The following CDC42SE2 variants were observed in gnomAD, a reference collection of about 807,000 sequenced individuals.
CDC42SE2 encodes CDC42 small effector protein 2.
A neutral mutation model predicts 11.5 loss-of-function variants in CDC42SE2; 3 were observed. That is an observed-to-expected ratio of 0.26 (90% CI 0.12 to 0.67). The LOEUF (loss-of-function observed/expected upper bound fraction) is 0.67, where lower values mean the gene tolerates loss of function less well. Among genes scored for constraint, CDC42SE2 ranks in the 30% least tolerant of loss-of-function variants. The pLI, the probability that CDC42SE2 is intolerant of heterozygous loss-of-function variation, is 0.80. For synonymous variants in CDC42SE2, 33 were observed against 34.8 expected, an observed-to-expected ratio of 0.95 and a Z score of 0.18; for missense variants, 82 against 106.8, an observed-to-expected ratio of 0.77 and a Z score of 1.02.
At chr5:131,360,567 A>G (rs903775253) in intron 3 of CDC42SE2, among the ~76,000 whole-genome samples, 2 of 152,228 alleles carry the variant, frequency 1.3e-5, no homozygotes, top group African/African-American at 4.8e-5. Flanking sequence ...TGCATAGTAA[A>G]TAACTATTCT....
intron 1 of CDC42SE2, among the ~76,000 whole-genome samples, chr5:131,287,777 A>C (rs1193695525): frequency 1.3e-5 from 2 of 151,978 alleles, no homozygotes; most frequent in Non-Finnish European, 2.9e-5. Flanking sequence ...TCCTACCGAA[A>C]TTTTCTTTGT....
Position 131,393,694 on chromosome 5 carries a change from T to C in CDC42SE2, c.*2603T>C, listed in dbSNP as rs1750744583. 1 of 152,186 alleles carries C rather than the reference T, an allele frequency of 6.6e-6. No individual in the cohort carries two copies. Among genetic ancestry groups the C allele is most frequent in the African/African-American group, 2.4e-5 (1 of 41,460 alleles). The allele number at this position is 152,186 out of a possible 1,614,324, so 9.4% of individuals were successfully genotyped here. A position where few individuals can be genotyped will look rare whatever the true frequency, so the allele number is the denominator to read the frequency against. ...GCACTCATGCTATTTAGTCTACTTCTATTTTGACTGACTCTTTAAATTAGT... is the reference window on the plus strand; with the variant it reads ...GCACTCATGCTATTTAGTCTACTTCCATTTTGACTGACTCTTTAAATTAGT... On this transcript the variant is annotated 3_prime_UTR_variant, in exon 5 of 5. Transcript: ENST00000505065.
intron 1 of CDC42SE2, among the ~76,000 whole-genome samples, chr5:131,266,240 TTTTA>T (rs1423934035): frequency 1.3e-5 from 2 of 152,104 alleles, no homozygotes; most frequent in African/African-American, 2.4e-5. Flanking sequence ...AGCAGTAATA[TTTTA>T]TTTATTTCAG....
At chr5:131,292,240 CAAAAAAAA>C (rs1202956370) in intron 1 of CDC42SE2, among the ~76,000 whole-genome samples, 9 of 25,602 alleles carry the variant, frequency 3.5e-4, no homozygotes, top group Non-Finnish European at 4.9e-4. Flanking sequence ...TCTGTCTCAC[CAAAAAAAA>C]AAAAAAAAAA....
chr5:131,308,804 A>AG (rs1199668701), intron 1 of CDC42SE2, among the ~76,000 whole-genome samples: 2 of 152,092 alleles, frequency 1.3e-5, no homozygotes, highest in African/African-American at 2.4e-5. Context: ...TTGTATCCTG[A>AG]GACTTTGTTG....
chr5:131,271,232 C>G (rs987881757), intron 1 of CDC42SE2, among the ~76,000 whole-genome samples: 1 of 152,148 alleles, frequency 6.6e-6, no homozygotes, highest in Non-Finnish European at 1.5e-5. Flanking sequence ...CAGAACTGCC[C>G]ATGCTTTATT....
At chr5:131,264,518 G>A (rs1428031208) in intron 1 of CDC42SE2, among the ~76,000 whole-genome samples, 1 of 148,844 alleles carries the variant, frequency 6.7e-6, no homozygotes, top group African/African-American at 2.5e-5. Flanking sequence ...AACTTTTCAC[G>A]TCTGGAAGTC....
chr5:131,295,046 G>A (rs1757540504), intron 1 of CDC42SE2, among the ~76,000 whole-genome samples: 1 of 151,974 alleles, frequency 6.6e-6, no homozygotes, highest in Non-Finnish European at 1.5e-5. Flanking sequence ...ACAATCGCTT[G>A]AACCTGGGAG....
At chr5:131,247,927 C>T (rs566428083) in intron 1 of CDC42SE2, among the ~76,000 whole-genome samples, 4 of 152,094 alleles carry the variant, frequency 2.6e-5, no homozygotes, top group Admixed American at 1.3e-4. Context: ...AGCCATGAGC[C>T]ACCATGCCCA....
chr5:131,346,252 A>C (rs376791434), intron 2 of CDC42SE2, among the ~76,000 whole-genome samples: 47 of 152,224 alleles, frequency 3.1e-4, no homozygotes, highest in East Asian at 1.5e-3. Flanking sequence ...TGTATTCAGG[A>C]GACCCATCTC....
At chr5:131,254,086 C>T (rs1054072689) in intron 1 of CDC42SE2, among the ~76,000 whole-genome samples, 3 of 152,078 alleles carry the variant, frequency 2.0e-5, no homozygotes, top group Non-Finnish European at 2.9e-5. Context: ...GCACAACGTG[C>T]GGGTTTGTTA....
the CDC42SE2 span, among the ~76,000 whole-genome samples, chr5:131,217,211 CT>C: frequency 6.6e-6 from 1 of 152,174 alleles, no homozygotes; most frequent in Non-Finnish European, 1.5e-5. Flanking sequence ...TGGCTACTTT[CT>C]TTGGCTACTT....
intron 2 of CDC42SE2, among the ~76,000 whole-genome samples, chr5:131,348,224 A>G (rs972985168): frequency 6.6e-6 from 1 of 152,218 alleles, no homozygotes; most frequent in Admixed American, 6.5e-5. Flanking sequence ...TGCAGATGAC[A>G]TGATTGTATA....
rs1423801202 is a variant in CDC42SE2 at position 131,391,945 on chromosome 5, T to C, written c.*854T>C. On this transcript the variant is annotated 3_prime_UTR_variant, in exon 5 of 5. Coordinates refer to ENST00000505065, the MANE Select transcript of CDC42SE2 (RefSeq NM_001375635.1). The stretch of plus-strand genomic sequence containing the variant: ...GTGTGATGGCACCTTGTCCACCCTG[T>C]CGTGATTATTCCAGTGAGATGTTAC... 6.6e-6 allele frequency: 1 copy of C among 152,326 alleles called. No homozygotes were observed. The highest frequency in any genetic ancestry group is 1.5e-5 in the Non-Finnish European group (1 of 68,042). 9.4% of individuals were successfully genotyped at this position (152,326 alleles called of 1,614,324 possible).
In CDC42SE2 at chr5:131,307,579, C is replaced by G. The variant is rs536042302; in HGVS notation, c.-454-8397C>G. Among the ~76,000 whole-genome samples the G allele has an allele frequency of 1.8e-4, 28 of 152,228 alleles. No individual in the cohort carries two copies. The South Asian group carries it at 5.6e-3, about 30-fold the overall frequency. ...TGATTTATAATCCTTTGGGTATATA[C>G]CCAGTAATGGGACGGCTGGGTCAAA... On this transcript the variant is annotated intron_variant, in intron 1 of 4. Transcript: ENST00000505065.
At chr5:131,227,073 C>T in the CDC42SE2 span, among the ~76,000 whole-genome samples, 2 of 152,162 alleles carry the variant, frequency 1.3e-5, no homozygotes, top group African/African-American at 4.8e-5. Flanking sequence ...CCAGAGGGAA[C>T]ACCATCACAT....
chr5:131,284,761 C>T (rs1757306982), intron 1 of CDC42SE2, among the ~76,000 whole-genome samples: 1 of 152,192 alleles, frequency 6.6e-6, no homozygotes, highest in South Asian at 2.1e-4. Context: ...ATGTAAGCTA[C>T]TGGGCCCAGC....
chr5:131,327,415 T>G (rs1260193175), intron 2 of CDC42SE2, among the ~76,000 whole-genome samples: 5 of 152,206 alleles, frequency 3.3e-5, no homozygotes, highest in Non-Finnish European at 7.4e-5. Context: ...TGGAGTGCTT[T>G]CTTTATCTCT....
intron 1 of CDC42SE2, among the ~76,000 whole-genome samples, chr5:131,303,878 A>G (rs566404724): frequency 5.3e-4 from 80 of 149,592 alleles, no homozygotes; most frequent in South Asian, 1.9e-3. Context: ...TCATAGCAAT[A>G]TGATGGAACT....
Sources: allele counts gnomAD v4.1 joint callset (sites outside exome capture counted in the v4.1 genomes callset), GRCh38; gene constraint gnomAD v4.1.1; transcripts MANE v1.5; gene names NCBI Gene and HGNC (gene_info 2026-07-23, HGNC 2026-07-21).